The following NAV3 variants were observed in gnomAD, a reference collection of about 807,000 sequenced individuals.
NAV3 encodes neuron navigator 3.
A neutral mutation model predicts 244.7 loss-of-function variants in NAV3; 87 were observed. The ratio of observed to expected loss-of-function variants is 0.36; its 90% CI spans 0.30 to 0.42. The LOEUF (loss-of-function observed/expected upper bound fraction) is 0.42. Among genes scored for constraint, NAV3 ranks in the 20% least tolerant of loss-of-function variants. NAV3 has a pLI of 1.00. For synonymous variants in NAV3, 1,126 were observed against 1,042.2 expected, an observed-to-expected ratio of 1.08 and a Z score of -1.55; for missense variants, 2,663 against 2,893.3, an observed-to-expected ratio of 0.92 and a Z score of 1.83.
chr12:77,748,696 A>G (rs1206770844), intron 2 of NAV3, among the ~76,000 whole-genome samples: 1 of 152,134 alleles, frequency 6.6e-6, no homozygotes, highest in African/African-American at 2.4e-5. Context: ...GTCCAACTTA[A>G]AGAGTAGGAT....
chr12:77,652,500 TG>T (rs770585300), intron 2 of NAV3, among the ~76,000 whole-genome samples: 7 of 152,156 alleles, frequency 4.6e-5, no homozygotes, highest in African/African-American at 1.7e-4. Flanking sequence ...GCAATAAAGA[TG>T]TAAACAACTG....
chr12:78,037,136 T>C, intron 9 of NAV3: 1 of 703,016 alleles, frequency 1.4e-6, no homozygotes, highest in East Asian at 2.7e-5. Context: ...ACCTCCTGCC[T>C]GCTGGGGGCA....
intron 2 of NAV3, among the ~76,000 whole-genome samples, chr12:77,720,855 G>A (rs1213660063): frequency 6.6e-6 from 1 of 152,082 alleles, no homozygotes; most frequent in Non-Finnish European, 1.5e-5. Context: ...GAGGGAAGGA[G>A]GGTCTGGGAC....
chr12:78,140,230 T>G, intron 19 of NAV3, 52 bp from the exon 20 acceptor site: 1 of 1,510,652 alleles, frequency 6.6e-7, no homozygotes, highest in East Asian at 2.3e-5. Flanking sequence ...AGGCTGGAAT[T>G]TTTGAGTAGA....
chr12:78,146,734 T>C (rs1020295699), intron 21 of NAV3, among the ~76,000 whole-genome samples: 2 of 152,092 alleles, frequency 1.3e-5, no homozygotes, highest in Non-Finnish European at 2.9e-5. Flanking sequence ...TGTAAGACCA[T>C]CTACACAGGA....
chr12:77,960,935 T>C, intron 3 of NAV3, among the ~76,000 whole-genome samples: 1 of 146,870 alleles, frequency 6.8e-6, no homozygotes, highest in South Asian at 2.2e-4. Flanking sequence ...ATATATTATG[T>C]GTATACATGC....
intron 1 of NAV3, among the ~76,000 whole-genome samples, chr12:77,912,368 C>T (rs1174983845): frequency 2.0e-5 from 3 of 152,012 alleles, no homozygotes; most frequent in Non-Finnish European, 4.4e-5. Flanking sequence ...AATAATCTGA[C>T]AACAAAATAT....
At chr12:78,028,902 G>T (rs920464535) in intron 9 of NAV3, among the ~76,000 whole-genome samples, 1 of 152,082 alleles carries the variant, frequency 6.6e-6, no homozygotes, top group Non-Finnish European at 1.5e-5. Context: ...TCCTTCAATC[G>T]AAAAAGAATA....
chr12:78,033,901 G>A (rs776352878), intron 9 of NAV3, among the ~76,000 whole-genome samples: 4 of 152,118 alleles, frequency 2.6e-5, no homozygotes, highest in Non-Finnish European at 5.9e-5. Flanking sequence ...GCCATTGCTT[G>A]GATCTCTCAC....
chr12:77,944,306 T>G (rs533581323), intron 3 of NAV3, among the ~76,000 whole-genome samples: 2 of 152,218 alleles, frequency 1.3e-5, no homozygotes, highest in East Asian at 3.9e-4. Context: ...ATAAATACTT[T>G]AAAAGATCAC....
At chr12:78,148,549 A>T (rs1956953524) in intron 21 of NAV3, among the ~76,000 whole-genome samples, 2 of 152,170 alleles carry the variant, frequency 1.3e-5, no homozygotes, top group Non-Finnish European at 2.9e-5. Context: ...AAGGAGAAGA[A>T]TCAATACAGA....
At chr12:77,738,077 C>T (rs1156315564) in intron 2 of NAV3, among the ~76,000 whole-genome samples, 1 of 152,080 alleles carries the variant, frequency 6.6e-6, no homozygotes, top group Non-Finnish European at 1.5e-5. Flanking sequence ...TCTACTTTAA[C>T]TTTAGCTTCT....
At chr12:77,897,953 C>T (rs1262413051) in intron 1 of NAV3, among the ~76,000 whole-genome samples, 5 of 152,158 alleles carry the variant, frequency 3.3e-5, no homozygotes, top group East Asian at 3.9e-4. Context: ...GCTAAACTCA[C>T]GCTGGATGAC....
chr12:77,968,901 C>T (rs148863986), intron 5 of NAV3, among the ~76,000 whole-genome samples, 199 bp downstream of exon 5: 92 of 152,170 alleles, frequency 6.0e-4, no homozygotes, highest in African/African-American at 2.1e-3. Flanking sequence ...TTTTGGGTGA[C>T]GTATTTTGTT....
At chr12:77,865,148 T>C (rs1447633541) in intron 1 of NAV3, among the ~76,000 whole-genome samples, 1 of 152,126 alleles carries the variant, frequency 6.6e-6, no homozygotes, top group Non-Finnish European at 1.5e-5. Flanking sequence ...GGTATGTTTA[T>C]TACGTTAGCT....
chr12:77,841,763 T>A (rs78396862), intron 1 of NAV3, among the ~76,000 whole-genome samples: 94 of 152,282 alleles, frequency 6.2e-4, no homozygotes, highest in Non-Finnish European at 1.1e-3. Flanking sequence ...TGCTGACACA[T>A]ATATATGGTA....
At chr12:77,787,868 C>T (rs1046887624) in intron 2 of NAV3, among the ~76,000 whole-genome samples, 11 of 152,172 alleles carry the variant, frequency 7.2e-5, no homozygotes, top group Non-Finnish European at 1.5e-4. Context: ...CAAAATTATT[C>T]ACAGACTTAT....
Position 77,854,840 on chromosome 12 carries a change from G to A in NAV3, c.243+23136G>A, listed in dbSNP as rs182667774. 1.1e-3 allele frequency among the ~76,000 whole-genome samples: 174 copies of A among 152,188 alleles called. 1 individual carries two copies. Among genetic ancestry groups the A allele is most frequent in the Admixed American group, 5.2e-3 (79 of 15,286 alleles). On this transcript the variant is annotated intron_variant, in intron 1 of 39. Coordinates refer to ENST00000397909, the MANE Select transcript of NAV3 (RefSeq NM_001024383.2). Reference sequence around the variant, plus strand: ...TAGAAATGCTGACTAACATCTGGCCGGGTGCAGTGGCTCACGCCTGTAATC... The same window carrying A: ...TAGAAATGCTGACTAACATCTGGCCAGGTGCAGTGGCTCACGCCTGTAATC...
intron 1 of NAV3, among the ~76,000 whole-genome samples, chr12:77,910,948 A>G (rs1268277331): frequency 6.6e-6 from 1 of 152,168 alleles, no homozygotes; most frequent in African/African-American, 2.4e-5. Context: ...CAGTAGAGAC[A>G]AACAACAATG....
Sources: gnomAD v4.1 joint callset for allele counts (sites outside exome capture counted in the v4.1 genomes callset) on GRCh38, gnomAD v4.1.1 for gene constraint, MANE v1.5 for transcripts, NCBI Gene and HGNC (gene_info 2026-07-23, HGNC 2026-07-21) for gene names.